PML: variants seen among roughly 807,000 people sequenced by gnomAD.
PML encodes PML nuclear body scaffold.
A neutral mutation model predicts 65.2 loss-of-function variants in PML; 28 were observed. That is an observed-to-expected ratio of 0.43 (90% CI 0.32 to 0.59). PML has a LOEUF of 0.59. Among genes scored for constraint, PML ranks in the 20% least tolerant of loss-of-function variants. The pLI, the probability that PML is intolerant of heterozygous loss-of-function variation, is 0.08. For missense variants in PML, 1,021 were observed against 1,203.4 expected (o/e 0.85, Z 2.24); for synonymous variants, 500 against 508.8 (o/e 0.98, Z 0.23).
chr15:74,037,190 A>T lies in PML; in HGVS notation c.1710+2660A>T, dbSNP rs1409562434. ...GGGCAGCCCCCGCCTGCCTTTCTTCACTGGGCCCTTGTCCCAGCCTCACCC... is the reference window on the plus strand; with the variant it reads ...GGGCAGCCCCCGCCTGCCTTTCTTCTCTGGGCCCTTGTCCCAGCCTCACCC... On this transcript the variant is annotated intron_variant, in intron 7 of 8. Transcript: ENST00000268058. The surrounding 1 kb of genome is among the most constrained non-coding windows in gnomAD (Gnocchi z 4.2). 1 of 985,186 alleles carries T rather than the reference A, an allele frequency of 1.0e-6. No homozygotes were observed. Among genetic ancestry groups the T allele is most frequent in the Non-Finnish European group, 1.2e-6 (1 of 829,922 alleles). 61.0% of individuals were successfully genotyped at this position (985,186 alleles called of 1,614,324 possible).
rs1483156564 is a variant in PML, at chr15:74,045,572, G to T, written c.*564G>T. ...TCCCTTCTCCTTTCATCCCAGAGGGGCCTCATCAGCAAAGACAGAAACTGA... is the reference window on the plus strand; with the variant it reads ...TCCCTTCTCCTTTCATCCCAGAGGGTCCTCATCAGCAAAGACAGAAACTGA... On this transcript the variant is annotated 3_prime_UTR_variant, in exon 9 of 9. Coordinates refer to ENST00000268058, the MANE Select transcript of PML (RefSeq NM_033238.3). 3 of 233,836 alleles carry T rather than the reference G, an allele frequency of 1.3e-5. No individual in the cohort carries two copies. Among genetic ancestry groups the T allele is most frequent in the Non-Finnish European group, 2.5e-5 (3 of 118,590 alleles). 14.5% of individuals were successfully genotyped at this position (233,836 alleles called of 1,614,324 possible). A position where few individuals can be genotyped will look rare whatever the true frequency, so the allele number is the denominator to read the frequency against.
In PML at chr15:73,994,894, A is replaced by T; in HGVS notation, c.82A>T (p.Thr28Ser). ...PQEPTMPPPE[T>S]PSEGRQPSPS... ...GGAGCCCACCATGCCTCCCCCCGAG[A>T]CCCCCTCTGAAGGCCGCCAGCCCAG... Residue 28 changes from threonine to serine, a missense_variant, in exon 1 of 9, where the codon ACC becomes TCC. Transcript: ENST00000268058. The T allele has an allele frequency of 1.3e-6, 2 of 1,546,614 alleles. No homozygotes were observed. Among genetic ancestry groups the T allele is most frequent in the Non-Finnish European group, 1.7e-6 (2 of 1,143,420 alleles).
At chr15:74,032,051 G>GAAACTCCC (rs2071345432) in intron 4 of PML, among the ~76,000 whole-genome samples, 1 of 152,160 alleles carries the variant, frequency 6.6e-6, no homozygotes, top group Admixed American at 6.5e-5. Context: ...TCAATGGGAG[G>GAAACTCCC]ATTTTCTCAC....
intron 7 of PML, among the ~76,000 whole-genome samples, chr15:74,039,631 A>G (rs1359457404): frequency 1.3e-5 from 2 of 152,234 alleles, no homozygotes; most frequent in African/African-American, 4.8e-5. Flanking sequence ...TCCCAACTAC[A>G]GATTCCTAGG....
chr15:74,028,185 A>T (rs913790168), intron 4 of PML: 1 of 152,188 alleles, frequency 6.6e-6, no homozygotes, highest in African/African-American at 2.4e-5. Context: ...GGAAAAAAAT[A>T]AATTTATTAT....
Position 74,042,885 on chromosome 15 carries a change from C to T in PML, c.1711-104C>T. 6.2e-7 allele frequency: 1 copy of T among 1,601,158 alleles called. No individual in the cohort carries two copies. The highest frequency in any genetic ancestry group is 8.5e-7 in the Non-Finnish European group (1 of 1,177,600). ...CCTTTCCCAGTGGTACACCCTCCTT[C>T]ATGTGCACGCAGATGCTCCCAGCTA... On this transcript the variant is annotated intron_variant, in intron 7 of 8. Coordinates refer to ENST00000268058, the MANE Select transcript of PML (RefSeq NM_033238.3). The surrounding 1 kb of genome is among the most constrained non-coding windows in gnomAD (Gnocchi z 5.3).
intron 2 of PML, among the ~76,000 whole-genome samples, chr15:74,008,934 G>A (rs374661779): frequency 1.3e-5 from 2 of 152,174 alleles, no homozygotes; most frequent in African/African-American, 2.4e-5. Context: ...ATCACCAGAT[G>A]TGGGATACTT....
intron 5 of PML, 74 bp from the exon 6 acceptor site, chr15:74,033,082 C>T (rs935402168): frequency 4.5e-6 from 7 of 1,554,436 alleles, no homozygotes; most frequent in African/African-American, 4.1e-5. Flanking sequence ...CCACAAGTCC[C>T]TGGCAGTCAG....
chr15:74,035,788 C>T lies in PML; in HGVS notation c.1710+1258C>T. The T allele has an allele frequency of 6.2e-7, 1 of 1,614,164 alleles. No individual in the cohort carries two copies. Among genetic ancestry groups the T allele is most frequent in the East Asian group, 2.2e-5 (1 of 44,858 alleles). On this transcript the variant is annotated intron_variant, in intron 7 of 8. Coordinates refer to ENST00000268058, the MANE Select transcript of PML (RefSeq NM_033238.3). The surrounding 1 kb of genome is among the most constrained non-coding windows in gnomAD (Gnocchi z 4.1). ...GGGGCAGGGGAAAGCAGAGCCCAGACTCTTGGAGCAGGTGTTCCCCCTGGG... is the reference window on the plus strand; with the variant it reads ...GGGGCAGGGGAAAGCAGAGCCCAGATTCTTGGAGCAGGTGTTCCCCCTGGG...
chr15:74,042,776 C>T lies in PML; in HGVS notation c.1711-213C>T. The stretch of plus-strand genomic sequence containing the variant: ...TCCCCTACTCATGAGGGTGTATGCC[C>T]TGGTTCATACATGTAACCCTCACAT... On this transcript the variant is annotated intron_variant, in intron 7 of 8. Coordinates refer to ENST00000268058, the MANE Select transcript of PML (RefSeq NM_033238.3). The surrounding 1 kb of genome is among the most constrained non-coding windows in gnomAD (Gnocchi z 5.3). The T allele has an allele frequency of 1.0e-6, 1 of 985,324 alleles. No homozygotes were observed. The highest frequency in any genetic ancestry group is 1.2e-6 in the Non-Finnish European group (1 of 829,868). The allele number at this position is 985,324 out of a possible 1,614,324, so 61.0% of individuals were successfully genotyped here. A position where few individuals can be genotyped will look rare whatever the true frequency, so the allele number is the denominator to read the frequency against.
rs777364305 is a variant in PML at position 74,035,421 on chromosome 15, G to A, written c.1710+891G>A. 6.8e-6 allele frequency: 11 copies of A among 1,612,008 alleles called. No individual in the cohort carries two copies. The highest frequency in any genetic ancestry group is 1.3e-5 in the African/African-American group (1 of 74,886). ...CCAGGAGCGCCCTGCCGTCCACCGT[G>A]GGATCCGCTACCTGTTGTACAGAGC... On this transcript the variant is annotated intron_variant, in intron 7 of 8. Coordinates refer to ENST00000268058, the MANE Select transcript of PML (RefSeq NM_033238.3). The surrounding 1 kb of genome is among the most constrained non-coding windows in gnomAD (Gnocchi z 4.1).
chr15:74,035,944 G>A lies in PML; in HGVS notation c.1710+1414G>A, dbSNP rs1013366208. The A allele has an allele frequency of 6.2e-7, 1 of 1,613,904 alleles. No individual in the cohort carries two copies. The highest frequency in any genetic ancestry group is 1.3e-5 in the African/African-American group (1 of 74,914). On this transcript the variant is annotated intron_variant, in intron 7 of 8. Coordinates refer to ENST00000268058, the MANE Select transcript of PML (RefSeq NM_033238.3). This position sits in a 1 kb window ranked among gnomAD's most constrained non-coding sequence, Gnocchi z 4.1. ...CCAGTCCCAGGCGCCCGTCAAGCAGGCCTCTGAGAGTGCTACCCTTCTCTT... is the reference window on the plus strand; with the variant it reads ...CCAGTCCCAGGCGCCCGTCAAGCAGACCTCTGAGAGTGCTACCCTTCTCTT...
chr15:74,031,342 T>G (rs2141864383), intron 4 of PML: 2 of 408,896 alleles, frequency 4.9e-6, no homozygotes, highest in Middle Eastern at 1.5e-3. Context: ...TGACACAATC[T>G]CGGCTCACTG....
intron 2 of PML, among the ~76,000 whole-genome samples, chr15:74,019,973 G>A (rs1343401845): frequency 6.6e-6 from 1 of 152,208 alleles, no homozygotes; most frequent in Non-Finnish European, 1.5e-5. Flanking sequence ...ATTGTGGACT[G>A]TGCTGCAGTG....
At chr15:74,020,614 C>T (rs11633735) in intron 2 of PML, among the ~76,000 whole-genome samples, 90,860 of 151,992 alleles carry the variant, frequency 0.6, 27,254 homozygotes, top group East Asian at 0.63. Flanking sequence ...CTGTAACAAA[C>T]TACCACAAAT....
At chr15:74,034,742 C>T in intron 7 of PML, 2 of 1,488,996 alleles carry the variant, frequency 1.3e-6, no homozygotes, top group Non-Finnish European at 1.8e-6. Context: ...GGGCCAGGAG[C>T]TCTTCTGAAA....
At chr15:74,005,642 T>G (rs1177440134) in intron 2 of PML, among the ~76,000 whole-genome samples, 1 of 152,108 alleles carries the variant, frequency 6.6e-6, no homozygotes, top group Non-Finnish European at 1.5e-5. Flanking sequence ...GGATGCTTTT[T>G]CTTGGCAGCC....
In PML at chr15:74,037,675, G is replaced by A. The variant is rs555636977; in HGVS notation, c.1710+3145G>A. On this transcript the variant is annotated intron_variant, in intron 7 of 8. Coordinates refer to ENST00000268058, the MANE Select transcript of PML (RefSeq NM_033238.3). This position sits in a 1 kb window ranked among gnomAD's most constrained non-coding sequence, Gnocchi z 4.2. ...CGTTTAGTCGTTATTATTCTTGACC[G>A]GCGCTGGGCCCGGTCTTTCCTGGAA... 7.1e-6 allele frequency: 7 copies of A among 985,308 alleles called. No homozygotes were observed. The African/African-American group carries it at 1.0e-4, about 15-fold the overall frequency. 61.0% of individuals were successfully genotyped at this position (985,308 alleles called of 1,614,324 possible). A position where few individuals can be genotyped will look rare whatever the true frequency, so the allele number is the denominator to read the frequency against.
intron 4 of PML, among the ~76,000 whole-genome samples, chr15:74,031,103 A>G (rs2071302139): frequency 6.6e-6 from 1 of 151,396 alleles, no homozygotes; most frequent in Non-Finnish European, 1.5e-5. Context: ...TTATGCCCCC[A>G]AAAGGAAACC....
Sources: allele counts gnomAD v4.1 joint callset (sites outside exome capture counted in the v4.1 genomes callset), GRCh38; gene constraint gnomAD v4.1.1; non-coding constraint Gnocchi (gnomAD v3.1); transcripts MANE v1.5; gene names NCBI Gene and HGNC (gene_info 2026-07-23, HGNC 2026-07-21).